The following MTMR10 variants were observed in gnomAD, a reference collection of about 807,000 sequenced individuals.
MTMR10 encodes myotubularin related protein 10, also known as myotubularin-related protein 10.
A neutral mutation model predicts 88.1 loss-of-function variants in MTMR10; 56 were observed. The observed-to-expected ratio is 0.64, with a 90% CI of 0.51 to 0.79. The LOEUF (loss-of-function observed/expected upper bound fraction) is 0.79, where lower values mean the gene tolerates loss of function less well. Among genes scored for constraint, MTMR10 ranks in the 30% least tolerant of loss-of-function variants. The probability of loss-of-function intolerance (pLI) is 0.00; values close to 1 mark genes in which losing one functional copy is unlikely to be tolerated. For missense variants in MTMR10, 883 were observed against 924.7 expected (o/e 0.95, Z 0.58); for synonymous variants, 380 against 340.9 (o/e 1.11, Z -1.26).
At position 30,940,188 on chromosome 15, in the gene MTMR10, G is replaced by C. The variant is rs2062992000; in HGVS notation, c.*1282C>G. 1.0e-6 allele frequency: 1 copy of C among 985,072 alleles called. No individual in the cohort carries two copies. Among genetic ancestry groups the C allele is most frequent in the Non-Finnish European group, 1.2e-6 (1 of 829,890 alleles). The allele number at this position is 985,072 out of a possible 1,614,324, so 61.0% of individuals were successfully genotyped here. ...TTAAGCGGGGAATGAGGAGTGTGGGGGAGGTGGTGCCCCGTTTCACTGCTG... is the reference window on the plus strand; with the variant it reads ...TTAAGCGGGGAATGAGGAGTGTGGGCGAGGTGGTGCCCCGTTTCACTGCTG... On this transcript the variant is annotated 3_prime_UTR_variant, in exon 16 of 16. Transcript: ENST00000435680.
In MTMR10 at chr15:30,991,484, T is replaced by A; in HGVS notation, c.23A>T (p.Lys8Ile). ...CAGGAGGTAGGACCTGAAGGTGGGTTTGGGCGGCTTGAGGGAGAACATGGT... is the reference window on the plus strand; with the variant it reads ...CAGGAGGTAGGACCTGAAGGTGGGTATGGGCGGCTTGAGGGAGAACATGGT... MFSLKPP[K>I]PTFRSYLLPP... Residue 8 changes from lysine to isoleucine, a missense_variant, in exon 1 of 16, where the codon AAA becomes ATA. By Grantham distance (102) the Lys-to-Ile change is moderately radical. Around this residue, in one of 3 missense-constraint regions of MTMR10, gnomAD observed 414 missense variants for 423.2 expected, o/e 0.98. Coordinates refer to ENST00000435680, the MANE Select transcript of MTMR10 (RefSeq NM_017762.3). 2.0e-6 allele frequency: 3 copies of A among 1,518,412 alleles called. No homozygotes were observed. The highest frequency in any genetic ancestry group is 2.6e-6 in the Non-Finnish European group (3 of 1,142,196). 94.1% of individuals were successfully genotyped at this position (1,518,412 alleles called of 1,614,324 possible). A position where few individuals can be genotyped will look rare whatever the true frequency, so the allele number is the denominator to read the frequency against.
intron 14 of MTMR10, chr15:30,946,760 C>A (rs907974478): frequency 1.4e-6 from 1 of 702,866 alleles, no homozygotes; most frequent in Non-Finnish European, 2.6e-6. Context: ...TTGTTTTGTA[C>A]AACTTTTTAT....
At chr15:30,935,829 CAG>C (rs1397672104), downstream of MTMR10, among the ~76,000 whole-genome samples, 3 of 152,184 alleles carry the variant, frequency 2.0e-5, no homozygotes, top group African/African-American at 7.2e-5. Flanking sequence ...GGTTTCCAAT[CAG>C]AGAATCTTTT....
intron 2 of MTMR10, among the ~76,000 whole-genome samples, chr15:30,989,520 G>T (rs2031166676): frequency 6.6e-6 from 1 of 151,300 alleles, no homozygotes; most frequent in African/African-American, 2.4e-5. Flanking sequence ...TACCGATTTG[G>T]CTTTAAGTAA....
At chr15:30,942,172 G>A in intron 15 of MTMR10, 100 bp from the exon 16 acceptor site, 2 of 1,366,232 alleles carry the variant, frequency 1.5e-6, no homozygotes, top group South Asian at 1.4e-5. Context: ...AAAATTAATG[G>A]AATTTCAGCC....
the MTMR10 span, chr15:30,927,317 C>T: frequency 1.0e-6 from 1 of 985,486 alleles, no homozygotes; most frequent in Non-Finnish European, 1.2e-6. Context: ...GGTCCTAGCT[C>T]CACTCCTGGC....
At chr15:30,989,737 C>T (rs2031183310) in intron 2 of MTMR10, among the ~76,000 whole-genome samples, 1 of 127,490 alleles carries the variant, frequency 7.8e-6, no homozygotes, top group African/African-American at 3.3e-5. Context: ...CGCCCGCCAC[C>T]ATGCCTGGCT....
intron 6 of MTMR10, among the ~76,000 whole-genome samples, chr15:30,966,216 A>G (rs779426422): frequency 6.6e-6 from 1 of 152,252 alleles, no homozygotes; most frequent in African/African-American, 2.4e-5. Flanking sequence ...AATAAGCTAT[A>G]TAAGAAGAAA....
chr15:30,934,162 A>G (rs1327112739), downstream of MTMR10, among the ~76,000 whole-genome samples: 1 of 152,196 alleles, frequency 6.6e-6, no homozygotes, highest in African/African-American at 2.4e-5. Context: ...TTTTATCATT[A>G]TGCAGTGACC....
the MTMR10 span, chr15:30,925,019 A>T: frequency 1.7e-6 from 2 of 1,182,172 alleles, no homozygotes; most frequent in East Asian, 2.4e-5. Context: ...CTCATTTGCT[A>T]ATCAGCAAAA....
At position 30,973,403 on chromosome 15, in the gene MTMR10, T is replaced by C. The variant is rs892067928; in HGVS notation, c.474+911A>G. Among the ~76,000 whole-genome samples the C allele has an allele frequency of 9.2e-5, 14 of 152,078 alleles. No individual in the cohort carries two copies. The East Asian group carries it at 1.9e-3, about 21-fold the overall frequency. Reference sequence around the variant, plus strand: ...TGTTGGTTCTCAATCTAAAAACAAATCTACCACCTCTTCACCAAAGTATAT... The same window carrying C: ...TGTTGGTTCTCAATCTAAAAACAAACCTACCACCTCTTCACCAAAGTATAT... On this transcript the variant is annotated intron_variant, in intron 5 of 15. Transcript: ENST00000435680.
intron 6 of MTMR10, among the ~76,000 whole-genome samples, chr15:30,966,698 A>T (rs1163219557): frequency 6.6e-6 from 1 of 151,182 alleles, no homozygotes; most frequent in Non-Finnish European, 1.5e-5. Context: ...AACTTCAAAA[A>T]ATAACTGTAT....
chr15:30,946,878 A>C (rs2063179222), intron 14 of MTMR10: 5 of 615,334 alleles, frequency 8.1e-6, no homozygotes, highest in Middle Eastern at 3.4e-4. Flanking sequence ...AAGGTGGTTA[A>C]AGTAATTTAC....
chr15:30,976,766 C>A (rs1165084323), intron 3 of MTMR10, 53 bp downstream of exon 3: 1 of 1,556,934 alleles, frequency 6.4e-7, no homozygotes, highest in Non-Finnish European at 8.7e-7. Flanking sequence ...ATAATATGTA[C>A]CACTTAGAGT....
chr15:30,936,981 A>T (rs1054487015), downstream of MTMR10: 3 of 695,698 alleles, frequency 4.3e-6, no homozygotes, highest in Admixed American at 2.8e-5. Flanking sequence ...GACCATCCGT[A>T]TATTTGTGTT....
At chr15:30,963,351 C>T (rs1188813264) in intron 6 of MTMR10, among the ~76,000 whole-genome samples, 1 of 152,060 alleles carries the variant, frequency 6.6e-6, no homozygotes, top group Non-Finnish European at 1.5e-5. Flanking sequence ...TAAAATGTTG[C>T]TGGGCGCGGT....
intron 12 of MTMR10, among the ~76,000 whole-genome samples, chr15:30,951,010 C>T (rs1178714906): frequency 6.6e-6 from 1 of 152,178 alleles, no homozygotes; most frequent in Non-Finnish European, 1.5e-5. Context: ...AAAGCTTTCC[C>T]CCGCCAATAT....
chr15:30,929,844 A>ATC, the MTMR10 span, among the ~76,000 whole-genome samples: 1 of 79,530 alleles, frequency 1.3e-5, no homozygotes, highest in East Asian at 3.1e-4. Context: ...TATAATATAT[A>ATC]AAATATATAT....
chr15:30,976,768 A>G, intron 3 of MTMR10, 51 bp downstream of exon 3: 2 of 1,570,930 alleles, frequency 1.3e-6, no homozygotes, highest in Non-Finnish European at 1.7e-6. Flanking sequence ...AATATGTACC[A>G]CTTAGAGTTG....
Sources: gnomAD v4.1 joint callset for allele counts (sites outside exome capture counted in the v4.1 genomes callset) on GRCh38, gnomAD v4.1.1 for gene constraint, gnomAD v4.1.1 regional missense constraint, MANE v1.5 for transcripts, NCBI Gene and HGNC (gene_info 2026-07-23, HGNC 2026-07-21) for gene names.